CEP20: variants seen among roughly 807,000 people sequenced by gnomAD.
The protein encoded by CEP20 is FGFR1OP N-terminal like.
In CEP20, 18 loss-of-function variants were observed where a neutral mutation model predicts 20.0. That is an observed-to-expected ratio of 0.90 (90% confidence interval 0.62 to 1.34). The LOEUF (loss-of-function observed/expected upper bound fraction) is 1.34, where lower values mean the gene tolerates loss of function less well. Ranked by LOEUF, CEP20 falls within the 40% of genes most tolerant of loss-of-function variation. CEP20 has a pLI of 0.00. For synonymous variants in CEP20, 77 were observed against 73.7 expected (o/e 1.04, Z -0.23); for missense variants, 215 against 201.6 (o/e 1.07, Z -0.40).
intron 2 of CEP20, among the ~76,000 whole-genome samples, chr16:15,881,022 G>T (rs937787148): frequency 2.6e-5 from 4 of 151,938 alleles, no homozygotes; most frequent in Non-Finnish European, 4.4e-5. Context: ...CACAATCATA[G>T]AAATAAAATG....
chr16:15,872,242 A>G lies in CEP20; in HGVS notation c.448+1249T>C, dbSNP rs545813873. Among the ~76,000 whole-genome samples, 4 of 151,728 alleles carry G rather than the reference A, an allele frequency of 2.6e-5. No homozygotes were observed. The South Asian group carries it at 8.4e-4, about 32-fold the overall frequency. On this transcript the variant is annotated intron_variant, in intron 4 of 4. Coordinates refer to ENST00000255759, the MANE Select transcript of CEP20 (RefSeq NM_144600.4). ...GGCAGGGGAATGGCATGAACCCAGG[A>G]GGCAGAGCTTACAGTGAGACGAGAT... is the stretch of plus-strand genomic sequence containing the variant.
chr16:15,888,518 C>T, intron 1 of CEP20, 40 bp downstream of exon 1: 1 of 1,613,986 alleles, frequency 6.2e-7, no homozygotes, highest in Non-Finnish European at 8.5e-7. Flanking sequence ...AGATGAAGGC[C>T]CGACGCTTCC....
chr16:15,887,701 C>T (rs16967325), intron 1 of CEP20, among the ~76,000 whole-genome samples: 26,951 of 151,972 alleles, frequency 0.18, 2,314 homozygotes, highest in East Asian at 0.22. Flanking sequence ...AAGTAAACAG[C>T]GTACAAATGT....
intron 4 of CEP20, 33 bp from the exon 5 acceptor site, chr16:15,867,549 T>C (rs749570977): frequency 1.3e-6 from 2 of 1,489,210 alleles, no homozygotes; most frequent in Non-Finnish European, 1.8e-6. Context: ...TTAATACTTA[T>C]CCCAAGTCAA....
intron 3 of CEP20, among the ~76,000 whole-genome samples, chr16:15,878,086 A>C (rs28731158): frequency 0.069 from 10,498 of 152,000 alleles, 483 homozygotes; most frequent in East Asian, 0.22. Context: ...AAAAGAAACA[A>C]GGGAAGATGA....
At chr16:15,882,288 T>A (rs1382878540) in intron 2 of CEP20, among the ~76,000 whole-genome samples, 1 of 152,178 alleles carries the variant, frequency 6.6e-6, no homozygotes, top group African/African-American at 2.4e-5. Flanking sequence ...ACGCCTGTAA[T>A]CCCAACATTT....
At chr16:15,877,758 C>A (rs558298659) in intron 3 of CEP20, among the ~76,000 whole-genome samples, 19 of 152,140 alleles carry the variant, frequency 1.2e-4, no homozygotes, top group African/African-American at 4.6e-4. Flanking sequence ...GAGACCTGGG[C>A]AACAGAGTGA....
chr16:15,882,334 G>A (rs1337812084), intron 2 of CEP20, among the ~76,000 whole-genome samples: 1 of 152,210 alleles, frequency 6.6e-6, no homozygotes, highest in Non-Finnish European at 1.5e-5. Context: ...GAGGTCAGGA[G>A]ACTGAGACCA....
intron 1 of CEP20, chr16:15,885,108 ATCTTG>A (rs2045208678): frequency 6.6e-6 from 1 of 151,906 alleles, no homozygotes; most frequent in South Asian, 2.1e-4. Context: ...AATTGAGACC[ATCTTG>A]GCTAACAAGG....
chr16:15,873,707 T>G lies in CEP20; in HGVS notation c.312-80A>C, dbSNP rs1053106772. The G allele has an allele frequency of 7.7e-6, 11 of 1,424,982 alleles. No individual in the cohort carries two copies. The African/African-American group carries it at 1.3e-4, about 17-fold the overall frequency. 88.3% of individuals were successfully genotyped at this position (1,424,982 alleles called of 1,614,324 possible). A position where few individuals can be genotyped will look rare whatever the true frequency, so the allele number is the denominator to read the frequency against. Reference sequence around the variant, plus strand: ...GGAAAAGCTTAAAACATTTATTCTTTAAAAGGTAACCTCTGACATCAAAAA... The same window carrying G: ...GGAAAAGCTTAAAACATTTATTCTTGAAAAGGTAACCTCTGACATCAAAAA... On this transcript the variant is annotated intron_variant, in intron 3 of 4. Coordinates refer to ENST00000255759, the MANE Select transcript of CEP20 (RefSeq NM_144600.4).
At chr16:15,887,159 T>C (rs1431053412) in intron 1 of CEP20, among the ~76,000 whole-genome samples, 1 of 152,182 alleles carries the variant, frequency 6.6e-6, no homozygotes, top group African/African-American at 2.4e-5. Flanking sequence ...CCCAAAGTGT[T>C]AGGATTACAG....
chr16:15,887,493 A>G (rs563822901), intron 1 of CEP20, among the ~76,000 whole-genome samples: 13 of 152,352 alleles, frequency 8.5e-5, no homozygotes, highest in African/African-American at 2.6e-4. Flanking sequence ...AGTGCGTCAC[A>G]ACTAGGTTCC....
chr16:15,868,242 T>TA (rs752557638), intron 4 of CEP20, among the ~76,000 whole-genome samples: 1 of 151,422 alleles, frequency 6.6e-6, no homozygotes, highest in Non-Finnish European at 1.5e-5. Flanking sequence ...GGTCAGGAGA[T>TA]AGAGACCCTG....
At chr16:15,872,186 C>T (rs908920532) in intron 4 of CEP20, among the ~76,000 whole-genome samples, 10 of 152,002 alleles carry the variant, frequency 6.6e-5, no homozygotes, top group South Asian at 4.2e-4. Context: ...TGGTGATGGG[C>T]GCCTGTAGTC....
chr16:15,873,077 TTTTG>T lies in CEP20; in HGVS notation c.448+410_448+413del, dbSNP rs1203654849. On this transcript the variant is annotated intron_variant, in intron 4 of 4. Coordinates refer to ENST00000255759, the MANE Select transcript of CEP20 (RefSeq NM_144600.4). ...ATGAAAATTGGAGTTTTCAGTATTT[TTTTG>T]TTTTTTTTTAAATTTAATTAATATA... 1.7e-4 allele frequency among the ~76,000 whole-genome samples: 26 copies of T among 151,414 alleles called. No individual in the cohort carries two copies. In the Middle Eastern group the frequency reaches 0.02, roughly 119 times the overall value.
At chr16:15,871,487 C>T (rs141484631) in intron 4 of CEP20, among the ~76,000 whole-genome samples, 147 of 152,114 alleles carry the variant, frequency 9.7e-4, no homozygotes, top group South Asian at 1.9e-3. Flanking sequence ...TTATTTTGCT[C>T]GTTAAGTACT....
chr16:15,872,313 CA>C (rs200581304), intron 4 of CEP20, among the ~76,000 whole-genome samples: 5,609 of 114,126 alleles, frequency 0.049, 205 homozygotes, highest in East Asian at 0.21. Context: ...GACTCTGTCT[CA>C]AAAAAAAAAA....
rs776955193 is a variant in CEP20, at chr16:15,888,570, C to G, written c.16G>C (p.Glu6Gln). The G allele has an allele frequency of 3.1e-6, 5 of 1,614,204 alleles. No individual in the cohort carries two copies. In the Admixed American group the frequency reaches 5.0e-5, roughly 16 times the overall value. ...TGCTCGCACTCACCAGCCTTCAACT[C>G]TGCCACAGTCGCCATTTTTCAACGG... MATVA[E>Q]LKAVLKDTLE... is the part of the protein sequence containing the mutation. Residue 6 changes from glutamate to glutamine, a missense_variant, in exon 1 of 5, where the codon GAG becomes CAG. Physicochemically the swap from Glu to Gln is conservative, Grantham distance 29. Coordinates refer to ENST00000255759, the MANE Select transcript of CEP20 (RefSeq NM_144600.4).
intron 2 of CEP20, among the ~76,000 whole-genome samples, chr16:15,881,478 A>G (rs1053979910): frequency 2.0e-5 from 3 of 152,342 alleles, no homozygotes; most frequent in African/African-American, 7.2e-5. Flanking sequence ...AATATTAAAT[A>G]AAGGATCTGT....
Sources: gnomAD v4.1 joint callset for allele counts (sites outside exome capture counted in the v4.1 genomes callset) on GRCh38, gnomAD v4.1.1 for gene constraint, MANE v1.5 for transcripts, NCBI Gene and HGNC (gene_info 2026-07-23, HGNC 2026-07-21) for gene names.